GHR: variants seen among roughly 807,000 people sequenced by gnomAD.
GHR encodes GH receptor.
In GHR, 35 loss-of-function variants were observed where a neutral mutation model predicts 67.1. That is an observed-to-expected ratio of 0.52 (90% CI 0.40 to 0.69). The LOEUF (loss-of-function observed/expected upper bound fraction) is 0.69. GHR is among the 30% of genes least tolerant of loss of function. The pLI, the probability that GHR is intolerant of heterozygous loss-of-function variation, is 0.00. For synonymous variants in GHR, 272 were observed against 269.1 expected, an observed-to-expected ratio of 1.01 and a Z score of -0.10; for missense variants, 792 against 764.6, an observed-to-expected ratio of 1.04 and a Z score of -0.42.
At chr5:42,658,739 A>G (rs1755397702) in intron 3 of GHR, among the ~76,000 whole-genome samples, 1 of 152,130 alleles carries the variant, frequency 6.6e-6, no homozygotes, top group African/African-American at 2.4e-5. Flanking sequence ...GTAGGTAGAG[A>G]GTAGGAATGA....
chr5:42,481,174 TG>T (rs1389543003), intron 1 of GHR, among the ~76,000 whole-genome samples: 4 of 152,194 alleles, frequency 2.6e-5, no homozygotes, highest in African/African-American at 7.2e-5. Flanking sequence ...TATGAAATTC[TG>T]GGTTGAAAAT....
chr5:42,499,903 C>T (rs1015066158), intron 1 of GHR, among the ~76,000 whole-genome samples: 10 of 152,184 alleles, frequency 6.6e-5, no homozygotes, highest in South Asian at 2.1e-4. Context: ...GTGTGAAACA[C>T]GCCAGTTGCA....
intron 3 of GHR, among the ~76,000 whole-genome samples, chr5:42,648,057 A>G (rs968493074): frequency 2.1e-4 from 32 of 152,200 alleles, no homozygotes; most frequent in African/African-American, 7.5e-4. Context: ...ATTTTCAGCA[A>G]CAAGAAACAT....
intron 1 of GHR, among the ~76,000 whole-genome samples, chr5:42,478,024 A>G (rs1291993937): frequency 2.0e-5 from 3 of 152,056 alleles, no homozygotes; most frequent in African/African-American, 4.8e-5. Context: ...TAGGTCTAAC[A>G]TGTAAGTCTT....
intron 3 of GHR, among the ~76,000 whole-genome samples, chr5:42,670,342 T>C (rs1420413264): frequency 6.6e-6 from 1 of 152,174 alleles, no homozygotes; most frequent in Non-Finnish European, 1.5e-5. Flanking sequence ...AATTAGATCC[T>C]TATCTCATCC....
At chr5:42,592,181 T>C (rs1413785125) in intron 2 of GHR, among the ~76,000 whole-genome samples, 1 of 152,238 alleles carries the variant, frequency 6.6e-6, no homozygotes, top group Non-Finnish European at 1.5e-5. Flanking sequence ...CTTCACATGC[T>C]GCTCTTTGTG....
chr5:42,453,383 C>T (rs1378390903), intron 1 of GHR, among the ~76,000 whole-genome samples: 1 of 152,130 alleles, frequency 6.6e-6, no homozygotes, highest in East Asian at 1.9e-4. Flanking sequence ...CCCCGGCAGG[C>T]ACCAGTTGTG....
chr5:42,669,066 TCTC>T (rs1489679894), intron 3 of GHR, among the ~76,000 whole-genome samples: 1 of 152,146 alleles, frequency 6.6e-6, no homozygotes, highest in African/African-American at 2.4e-5. Context: ...CTGAGATGAT[TCTC>T]ATTCTCAGGA....
intron 1 of GHR, among the ~76,000 whole-genome samples, chr5:42,559,694 G>A (rs1056524336): frequency 1.3e-5 from 2 of 152,170 alleles, no homozygotes; most frequent in Non-Finnish European, 2.9e-5. Flanking sequence ...ATCTCCAAGA[G>A]GAGAGAAATC....
In GHR at chr5:42,423,680, C is replaced by T. The variant is rs1022274919; in HGVS notation, c.-287C>T. On this transcript the variant is annotated 5_prime_UTR_variant, in exon 1 of 10. Coordinates refer to ENST00000230882, the MANE Select transcript of GHR (RefSeq NM_000163.5). ...ACCCCTGCCCTCCCATCCTCCCTTC[C>T]CGTTTCACCCCGCCCCCTCTCTCCT... 3 of 153,550 alleles carry T rather than the reference C, an allele frequency of 2.0e-5. No homozygotes were observed. The highest frequency in any genetic ancestry group is 4.8e-5 in the African/African-American group (2 of 41,470). The allele number at this position is 153,550 out of a possible 1,614,324, so 9.5% of individuals were successfully genotyped here.
chr5:42,548,588 T>C (rs553484602), intron 1 of GHR: 3 of 755,144 alleles, frequency 4.0e-6, no homozygotes, highest in African/African-American at 3.8e-5. Context: ...TCAGGGTTTT[T>C]TTTTTCTTAC....
In GHR at chr5:42,496,446, T is replaced by G. The variant is rs189302737; in HGVS notation, c.-11-69418T>G. 3.5e-4 allele frequency among the ~76,000 whole-genome samples: 54 copies of G among 152,232 alleles called. 1 individual carries two copies. Among genetic ancestry groups the G allele is most frequent in the African/African-American group, 1.2e-3 (50 of 41,532 alleles). Reference sequence around the variant, plus strand: ...AGAAAGTTTAAGGCTGGATATAGCATGTGCATCTATATCAAGATGAAGATC... The same window carrying G: ...AGAAAGTTTAAGGCTGGATATAGCAGGTGCATCTATATCAAGATGAAGATC... On this transcript the variant is annotated intron_variant, in intron 1 of 9. Coordinates refer to ENST00000230882, the MANE Select transcript of GHR (RefSeq NM_000163.5).
chr5:42,505,749 T>C (rs1405578308), intron 1 of GHR, among the ~76,000 whole-genome samples: 1 of 152,218 alleles, frequency 6.6e-6, no homozygotes, highest in Non-Finnish European at 1.5e-5. Flanking sequence ...CTTGATAATA[T>C]TTATATACAA....
chr5:42,475,424 T>C (rs1745258887), intron 1 of GHR, among the ~76,000 whole-genome samples: 1 of 132,738 alleles, frequency 7.5e-6, no homozygotes, highest in Non-Finnish European at 1.6e-5. Flanking sequence ...GCTAATGTGT[T>C]ATTATGGTCA....
chr5:42,494,960 C>G (rs1033745202), intron 1 of GHR, among the ~76,000 whole-genome samples: 1 of 151,928 alleles, frequency 6.6e-6, no homozygotes, highest in Non-Finnish European at 1.5e-5. Flanking sequence ...GATGGAAGCT[C>G]CCATATCTTG....
chr5:42,675,649 A>G (rs1156923452), intron 3 of GHR, among the ~76,000 whole-genome samples: 1 of 152,260 alleles, frequency 6.6e-6, no homozygotes, highest in African/African-American at 2.4e-5. Flanking sequence ...TATACAATAC[A>G]TTTTATGAAG....
chr5:42,565,848 C>T lies in GHR; in HGVS notation c.-11-16C>T. The T allele has an allele frequency of 1.2e-6, 2 of 1,613,950 alleles. No individual in the cohort carries two copies. The highest frequency in any genetic ancestry group is 1.7e-6 in the Non-Finnish European group (2 of 1,179,858). The stretch of plus-strand genomic sequence containing the variant: ...TTTAATTGCTGGGCTTTACCTTACC[C>T]TTTTTGTGATTGCAGGTCCTACAGG... On this transcript the variant is annotated splice_polypyrimidine_tract_variant and intron_variant, in intron 1 of 9. Coordinates refer to ENST00000230882, the MANE Select transcript of GHR (RefSeq NM_000163.5).
At chr5:42,610,774 A>G (rs921162916) in intron 2 of GHR, among the ~76,000 whole-genome samples, 6 of 152,120 alleles carry the variant, frequency 3.9e-5, no homozygotes, top group Non-Finnish European at 5.9e-5. Context: ...CAGTGCCAAG[A>G]AAGTTTTGGC....
chr5:42,483,974 G>A (rs977696812), intron 1 of GHR, among the ~76,000 whole-genome samples: 2 of 152,034 alleles, frequency 1.3e-5, no homozygotes, highest in Non-Finnish European at 2.9e-5. Flanking sequence ...TCTCTGTGCA[G>A]AGAGAGTACT....
Sources: gnomAD v4.1 joint callset for allele counts (sites outside exome capture counted in the v4.1 genomes callset) on GRCh38, gnomAD v4.1.1 for gene constraint, MANE v1.5 for transcripts, NCBI Gene and HGNC (gene_info 2026-07-23, HGNC 2026-07-21) for gene names.